AGT: variants seen among roughly 807,000 people sequenced by gnomAD.
AGT encodes the protein alpha-1 antiproteinase, antitrypsin.
A neutral mutation model predicts 28.1 loss-of-function variants in AGT; 26 were observed. The observed-to-expected ratio is 0.92, with a 90% confidence interval of 0.68 to 1.28. The LOEUF is 1.28. AGT is among the 50% of genes most tolerant of loss of function. AGT has a pLI of 0.00. For synonymous variants in AGT, 259 were observed against 259.6 expected, an observed-to-expected ratio of 1.00 and a Z score of 0.02; for missense variants, 596 against 592.3, an observed-to-expected ratio of 1.01 and a Z score of -0.06.
chr1:230,704,119 TC>T, intron 4 of AGT, 73 bp downstream of exon 4: 1 of 1,610,028 alleles, frequency 6.2e-7, no homozygotes, highest in Non-Finnish European at 8.5e-7. Flanking sequence ...CTCCTCTGTG[TC>T]CCTTACATCC....
chr1:230,722,111 A>G (rs1663857570), intron 1 of AGT, among the ~76,000 whole-genome samples: 1 of 152,004 alleles, frequency 6.6e-6, no homozygotes, highest in South Asian at 2.1e-4. Context: ...TTGGTGTCCT[A>G]CGTTCCAACC....
At chr1:230,738,107 A>G (rs1664186031) in intron 1 of AGT, among the ~76,000 whole-genome samples, 1 of 152,220 alleles carries the variant, frequency 6.6e-6, no homozygotes, top group African/African-American at 2.4e-5. Flanking sequence ...CAGCTGATGG[A>G]CAATTAGTTG....
chr1:230,740,669 G>T (rs1664231993), intron 1 of AGT, among the ~76,000 whole-genome samples: 1 of 152,148 alleles, frequency 6.6e-6, no homozygotes, highest in Admixed American at 6.5e-5. Flanking sequence ...TAGGATTTTT[G>T]GCCAGATGCG....
rs1558287949 is a variant in AGT, at chr1:230,710,232, TG to T, written c.591del (p.Thr198ArgfsTer13). On this transcript the variant is annotated frameshift_variant, in exon 2 of 5. Transcript: ENST00000366667. LOFTEE classifies it high-confidence loss of function. ...GGGGCTGTGAACACGCCCACCACCG[TG>T]GACAGCAGCAGCTGGGCCTGGCTAT... ...RADSQAQLLL[S>X]TVVGVFTAPG... is the part of the protein sequence containing the mutation. 6.2e-7 allele frequency: 1 copy of T among 1,613,644 alleles called. No individual in the cohort carries two copies. The highest frequency in any genetic ancestry group is 8.5e-7 in the Non-Finnish European group (1 of 1,179,978).
chr1:230,722,864 G>A (rs1396060682), intron 1 of AGT, among the ~76,000 whole-genome samples: 2 of 152,214 alleles, frequency 1.3e-5, no homozygotes, highest in Admixed American at 1.3e-4. Flanking sequence ...ATGCTGGAAT[G>A]AATTAAGCCT....
At chr1:230,707,854 G>A (rs533763243) in intron 2 of AGT, among the ~76,000 whole-genome samples, 168 of 152,294 alleles carry the variant, frequency 1.1e-3, no homozygotes, top group African/African-American at 3.7e-3. Context: ...TAAATCTGTC[G>A]AGGTCAAGTC....
chr1:230,703,316 A>G lies in AGT; in HGVS notation c.1256T>C (p.Ile419Thr), dbSNP rs1177936698. The G allele has an allele frequency of 6.2e-7, 1 of 1,614,220 alleles. No homozygotes were observed. Among genetic ancestry groups the G allele is most frequent in the Non-Finnish European group, 8.5e-7 (1 of 1,180,040 alleles). The change falls in exon 5 of 5, where the codon ATT (isoleucine) becomes ACT (threonine). Residue 419 changes from isoleucine (I) to threonine (T), a missense_variant. By Grantham distance (89) the Ile-to-Thr change is moderately conservative. Coordinates refer to ENST00000366667, the MANE Select transcript of AGT (RefSeq NM_001384479.1). ...CTCATCCGCTTCAAGCTCAAAAAAAATGCTGTTCAGCACCTGCAAAGCAGC... is the reference window on the plus strand; with the variant it reads ...CTCATCCGCTTCAAGCTCAAAAAAAGTGCTGTTCAGCACCTGCAAAGCAGC... ...RIRVGEVLNS[I>T]FFELEADERE... is the part of the protein sequence containing the mutation.
At chr1:230,727,124 C>T (rs1320834042) in intron 1 of AGT, among the ~76,000 whole-genome samples, 2 of 152,096 alleles carry the variant, frequency 1.3e-5, no homozygotes, top group Non-Finnish European at 1.5e-5. Context: ...CCTTGGAGAA[C>T]CCTAAAATCA....
chr1:230,735,056 A>G (rs1471233487), intron 1 of AGT, among the ~76,000 whole-genome samples: 1 of 152,036 alleles, frequency 6.6e-6, no homozygotes, highest in African/African-American at 2.4e-5. Context: ...GTCTGTGTCT[A>G]TCCCTGGAGG....
At chr1:230,708,343 A>G (rs551236172) in intron 2 of AGT, among the ~76,000 whole-genome samples, 3 of 152,246 alleles carry the variant, frequency 2.0e-5, no homozygotes, top group African/African-American at 7.2e-5. Flanking sequence ...TGCCTTCTGC[A>G]GGACCCTCCT....
At chr1:230,738,913 A>G (rs1032211751) in intron 1 of AGT, among the ~76,000 whole-genome samples, 2 of 152,222 alleles carry the variant, frequency 1.3e-5, no homozygotes, top group African/African-American at 2.4e-5. Context: ...AAATCTCTGT[A>G]GTCAAAGGAC....
intron 1 of AGT, among the ~76,000 whole-genome samples, chr1:230,713,428 C>T (rs1201992737): frequency 5.3e-5 from 8 of 152,204 alleles, no homozygotes; most frequent in Non-Finnish European, 8.8e-5. Flanking sequence ...CATCCACGAG[C>T]TGAAGCACCA....
At chr1:230,715,774 C>A (rs769448667), upstream of AGT, among the ~76,000 whole-genome samples, 1 of 152,194 alleles carries the variant, frequency 6.6e-6, no homozygotes, top group South Asian at 2.1e-4. Context: ...TAAAGCCTCA[C>A]AATTTGTTTC....
chr1:230,708,054 G>T (rs3789671), intron 2 of AGT, among the ~76,000 whole-genome samples: 39,658 of 152,032 alleles, frequency 0.26, 5,897 homozygotes, highest in East Asian at 0.53. Flanking sequence ...TAGAGGTCCC[G>T]AGACAGCCCC....
intron 1 of AGT, among the ~76,000 whole-genome samples, chr1:230,725,501 G>A (rs1663924417): frequency 6.6e-6 from 1 of 152,170 alleles, no homozygotes; most frequent in Admixed American, 6.5e-5. Flanking sequence ...GTTGGGAAAA[G>A]TCTACAATGA....
At chr1:230,744,190 C>A (rs949848957) in intron 1 of AGT, among the ~76,000 whole-genome samples, 17 of 152,162 alleles carry the variant, frequency 1.1e-4, no homozygotes, top group Admixed American at 1.1e-3. Context: ...GTGTGCAAGG[C>A]CTGGTAGACC....
chr1:230,711,114 C>A (rs149077956), intron 1 of AGT, among the ~76,000 whole-genome samples: 65 of 152,306 alleles, frequency 4.3e-4, no homozygotes, highest in African/African-American at 1.6e-3. Context: ...AAGTCCTCAA[C>A]CCCAGGACCT....
chr1:230,702,998 CAA>C lies in AGT; in HGVS notation c.*141_*142del. The C allele has an allele frequency of 1.1e-6, 1 of 946,866 alleles. No individual in the cohort carries two copies. The highest frequency in any genetic ancestry group is 1.6e-6 in the Non-Finnish European group (1 of 642,008). The allele number at this position is 946,866 out of a possible 1,614,324, so 58.7% of individuals were successfully genotyped here. Reference sequence around the variant, plus strand: ...AAGGAGAAACGGCTGCTTTCCAGCTCAAAGTCGACTCATTAGAAGAAAAGGTG... The same window carrying C: ...AAGGAGAAACGGCTGCTTTCCAGCTCAGTCGACTCATTAGAAGAAAAGGTG... On this transcript the variant is annotated 3_prime_UTR_variant, in exon 5 of 5. Transcript: ENST00000366667.
At chr1:230,722,695 C>T (rs150407245) in intron 1 of AGT, among the ~76,000 whole-genome samples, 7 of 152,334 alleles carry the variant, frequency 4.6e-5, no homozygotes, top group Non-Finnish European at 1.0e-4. Context: ...TTTGGACTTG[C>T]ATGGGGCCTG....
Sources: allele counts gnomAD v4.1 joint callset (sites outside exome capture counted in the v4.1 genomes callset), GRCh38; gene constraint gnomAD v4.1.1; transcripts MANE v1.5; gene names NCBI Gene and HGNC (gene_info 2026-07-23, HGNC 2026-07-21).